Variants in CASQ2 observed in about 807,000 individuals in gnomAD.
CASQ2 encodes the protein calsequestrin-2.
In CASQ2, 49 loss-of-function variants were observed where a neutral mutation model predicts 46.5. The ratio of observed to expected loss-of-function variants is 1.05; its 90% CI spans 0.84 to 1.34. CASQ2 has a LOEUF of 1.34. Among genes scored for constraint, CASQ2 ranks in the 40% most tolerant of loss-of-function variants. The probability of loss-of-function intolerance (pLI) is 0.00; values close to 1 mark genes in which losing one functional copy is unlikely to be tolerated. For synonymous variants in CASQ2, 174 were observed against 168.5 expected, an observed-to-expected ratio of 1.03 and a Z score of -0.25; for missense variants, 486 against 481.3, an observed-to-expected ratio of 1.01 and a Z score of -0.09.
chr1:115,746,999 T>A (rs1648413950), intron 1 of CASQ2, among the ~76,000 whole-genome samples: 1 of 152,214 alleles, frequency 6.6e-6, no homozygotes, highest in African/African-American at 2.4e-5. Context: ...TTTGATGAAG[T>A]CCAGTTGATC....
intron 1 of CASQ2, among the ~76,000 whole-genome samples, chr1:115,766,164 C>T (rs1162208919): frequency 2.6e-5 from 4 of 152,182 alleles, no homozygotes; most frequent in South Asian, 2.1e-4. Flanking sequence ...TCATCAGACC[C>T]GGGTCCAGAG....
At position 115,713,735 on chromosome 1, in the gene CASQ2, CG is replaced by C. The variant is rs1361849632; in HGVS notation, c.838+4104del. On this transcript the variant is annotated intron_variant, in intron 8 of 10. Coordinates refer to ENST00000261448, the MANE Select transcript of CASQ2 (RefSeq NM_001232.4). Reference sequence around the variant, plus strand: ...CTCACCTCCGCCTGCTCTGCCTGCTCGTGTCCCCTTCCCCAGTACATGCGGC... The same window carrying C: ...CTCACCTCCGCCTGCTCTGCCTGCTCTGTCCCCTTCCCCAGTACATGCGGC... 3.3e-5 allele frequency among the ~76,000 whole-genome samples: 5 copies of C among 152,256 alleles called. No individual in the cohort carries two copies. In the East Asian group the frequency reaches 9.7e-4, roughly 29 times the overall value.
intron 8 of CASQ2, among the ~76,000 whole-genome samples, chr1:115,713,692 A>G (rs965523666): frequency 1.3e-5 from 2 of 152,150 alleles, no homozygotes; most frequent in African/African-American, 4.8e-5. Flanking sequence ...TCAAGCTTCC[A>G]GGTGGTTTTG....
intron 7 of CASQ2, among the ~76,000 whole-genome samples, chr1:115,723,197 G>T (rs916126364): frequency 3.3e-5 from 5 of 152,030 alleles, no homozygotes; most frequent in African/African-American, 4.8e-5. Flanking sequence ...TTTGAATAAT[G>T]GTAGTAGACG....
chr1:115,732,900 C>A lies in CASQ2; in HGVS notation c.606+1G>T, dbSNP rs786205791. The stretch of plus-strand genomic sequence containing the variant: ...CAAATTGGGGTTTCATAGGTACTTA[C>A]CCCTTTGTCAAAGGTGGCAAAGAAT... On this transcript the variant is annotated splice_donor_variant, in intron 5 of 10. Transcript: ENST00000261448. LOFTEE classifies it high-confidence loss of function. 2 of 1,609,500 alleles carry A rather than the reference C, an allele frequency of 1.2e-6. No individual in the cohort carries two copies. Among genetic ancestry groups the A allele is most frequent in the Admixed American group, 1.7e-5 (1 of 59,982 alleles).
intron 10 of CASQ2, among the ~76,000 whole-genome samples, chr1:115,702,688 A>G (rs1654244270): frequency 1.3e-5 from 2 of 152,232 alleles, no homozygotes; most frequent in Admixed American, 1.3e-4. Context: ...GTGATTCAGG[A>G]AAGGCTGGCC....
chr1:115,768,240 C>A, intron 1 of CASQ2, 68 bp downstream of exon 1: 1 of 1,033,006 alleles, frequency 9.7e-7, no homozygotes, highest in Non-Finnish European at 1.5e-6. Context: ...TATCCCAACC[C>A]CTGGCCAAAG....
intron 2 of CASQ2, 142 bp downstream of exon 2, chr1:115,744,686 A>G (rs1386309428): frequency 4.4e-6 from 3 of 688,488 alleles, no homozygotes; most frequent in African/African-American, 3.6e-5. Flanking sequence ...CTCTTCTCCA[A>G]CCAAAGATGA....
chr1:115,717,802 T>A, intron 8 of CASQ2, 38 bp downstream of exon 8: 1 of 1,480,066 alleles, frequency 6.8e-7, no homozygotes, highest in Non-Finnish European at 9.4e-7. Flanking sequence ...AATCAGTTCT[T>A]GCTAGAGCTG....
intron 8 of CASQ2, 91 bp downstream of exon 8, chr1:115,717,749 G>T: frequency 1.0e-6 from 1 of 960,938 alleles, no homozygotes; most frequent in Non-Finnish European, 1.7e-6. Context: ...CATTGTGGAT[G>T]GGATGTGAGA....
At chr1:115,764,479 C>A (rs1243108078) in intron 1 of CASQ2, among the ~76,000 whole-genome samples, 3 of 152,216 alleles carry the variant, frequency 2.0e-5, no homozygotes, top group East Asian at 3.9e-4. Flanking sequence ...CCTTTTAGTT[C>A]TTTTCCACAT....
chr1:115,715,511 T>G (rs1336598458), intron 8 of CASQ2, among the ~76,000 whole-genome samples: 1 of 152,076 alleles, frequency 6.6e-6, no homozygotes, highest in Non-Finnish European at 1.5e-5. Context: ...AATAGGCAAA[T>G]TTTAGAGATA....
chr1:115,768,275 G>A (rs1649198242), intron 1 of CASQ2, 33 bp downstream of exon 1: 3 of 1,381,398 alleles, frequency 2.2e-6, no homozygotes, highest in South Asian at 2.3e-5. Flanking sequence ...CCTCACTGAG[G>A]CAGCGCAGAC....
rs181045204 is a variant in CASQ2, at chr1:115,730,008, C to T, written c.607-2886G>A. Among the ~76,000 whole-genome samples, 135 of 152,272 alleles carry T rather than the reference C, an allele frequency of 8.9e-4. 1 individual carries two copies. Among genetic ancestry groups the T allele is most frequent in the African/African-American group, 3.2e-3 (133 of 41,550 alleles). On this transcript the variant is annotated intron_variant, in intron 5 of 10. Coordinates refer to ENST00000261448, the MANE Select transcript of CASQ2 (RefSeq NM_001232.4). ...TGCAGCAGAGTGGAACCATCCTTGGCCCTCTGACACTTTCTTGTTCTAACT... is the reference window on the plus strand; with the variant it reads ...TGCAGCAGAGTGGAACCATCCTTGGTCCTCTGACACTTTCTTGTTCTAACT...
chr1:115,717,969 A>G lies in CASQ2; in HGVS notation c.784-75T>C. The G allele has an allele frequency of 2.9e-6, 3 of 1,018,040 alleles. No individual in the cohort carries two copies. In the South Asian group the frequency reaches 3.8e-5, roughly 13 times the overall value. The allele number at this position is 1,018,040 out of a possible 1,614,324, so 63.1% of individuals were successfully genotyped here. ...AGGACTGAGCCAGGGACAGGGACTC[A>G]GAAGCTGGAATGGGAATAGGAGAGG... On this transcript the variant is annotated intron_variant, in intron 7 of 10. Coordinates refer to ENST00000261448, the MANE Select transcript of CASQ2 (RefSeq NM_001232.4).
intron 1 of CASQ2, among the ~76,000 whole-genome samples, chr1:115,751,217 C>G (rs1252339069): frequency 6.6e-6 from 1 of 152,186 alleles, no homozygotes; most frequent in Non-Finnish European, 1.5e-5. Flanking sequence ...GGCTAGGGTT[C>G]TGGATCTTGT....
intron 3 of CASQ2, among the ~76,000 whole-genome samples, chr1:115,740,287 G>C (rs1022081784): frequency 3.3e-5 from 5 of 152,162 alleles, no homozygotes; most frequent in Non-Finnish European, 7.3e-5. Context: ...GTGTGATACT[G>C]GGGGGCTGTT....
In CASQ2 at chr1:115,759,937, G is replaced by A. The variant is rs545537756; in HGVS notation, c.234+8371C>T. On this transcript the variant is annotated intron_variant, in intron 1 of 10. Transcript: ENST00000261448. ...AGTTAGAAGGCCACCTTCTGAGTTG[G>A]TCTTTAAAAGCCAGGCAATTCAACT... 3.9e-5 allele frequency among the ~76,000 whole-genome samples: 6 copies of A among 152,280 alleles called. No homozygotes were observed. The East Asian group carries it at 1.2e-3, about 29-fold the overall frequency.
chr1:115,724,282 G>C (rs1570814244), intron 7 of CASQ2, among the ~76,000 whole-genome samples: 1 of 152,104 alleles, frequency 6.6e-6, no homozygotes, highest in African/African-American at 2.4e-5. Flanking sequence ...ATGTCAAACG[G>C]GGCTAAAATA....
Sources: allele counts gnomAD v4.1 joint callset (sites outside exome capture counted in the v4.1 genomes callset), GRCh38; gene constraint gnomAD v4.1.1; transcripts MANE v1.5; gene names NCBI Gene and HGNC (gene_info 2026-07-23, HGNC 2026-07-21).